FKBP9: variants seen among roughly 807,000 people sequenced by gnomAD.
The protein encoded by FKBP9 is FKBP prolyl isomerase 9.
FKBP9 carries 27 observed loss-of-function variants against 55.6 expected under a neutral mutation model. The observed-to-expected ratio is 0.49, with a 90% CI of 0.36 to 0.67. FKBP9 has a LOEUF of 0.67. FKBP9 is among the 30% of genes least tolerant of loss of function. The pLI, the probability that FKBP9 is intolerant of heterozygous loss-of-function variation, is 0.00. For missense variants in FKBP9, 539 were observed against 742.8 expected, an observed-to-expected ratio of 0.73 and a Z score of 3.19; for synonymous variants, 267 against 296.5, an observed-to-expected ratio of 0.90 and a Z score of 1.02.
intron 7 of FKBP9, among the ~76,000 whole-genome samples, chr7:32,997,031 T>C (rs548035717): frequency 6.6e-6 from 1 of 151,760 alleles, no homozygotes; most frequent in Admixed American, 6.6e-5. Flanking sequence ...CCTGACCTCA[T>C]GATCCACCCG....
At chr7:32,977,273 T>C (rs1392179276) in intron 4 of FKBP9, among the ~76,000 whole-genome samples, 3 of 152,236 alleles carry the variant, frequency 2.0e-5, no homozygotes, top group African/African-American at 7.2e-5. Context: ...AAACAGCAGA[T>C]GGATACAATG....
At chr7:32,976,616 C>T in intron 4 of FKBP9, 117 bp downstream of exon 4, 2 of 1,405,042 alleles carry the variant, frequency 1.4e-6, no homozygotes, top group Non-Finnish European at 1.9e-6. Flanking sequence ...CTACACTGGC[C>T]AATATGGTAA....
chr7:32,972,814 C>T (rs1784279181), intron 1 of FKBP9, among the ~76,000 whole-genome samples: 1 of 152,146 alleles, frequency 6.6e-6, no homozygotes, highest in South Asian at 2.1e-4. Flanking sequence ...CCTTCACCTC[C>T]CAGGTTCAAG....
chr7:33,003,116 T>G (rs774233586), intron 9 of FKBP9, among the ~76,000 whole-genome samples: 103 of 152,254 alleles, frequency 6.8e-4, no homozygotes, highest in Non-Finnish European at 1.2e-3. Flanking sequence ...GGGTGCTCAA[T>G]GCCTGCCTGT....
rs180721609 is a variant in FKBP9 at position 32,959,372 on chromosome 7, C to G, written c.221+1578C>G. Among the ~76,000 whole-genome samples the G allele has an allele frequency of 6.7e-3, 1,018 of 152,322 alleles. 5 individuals are homozygous for G. Among genetic ancestry groups the G allele is most frequent in the Non-Finnish European group, 0.011 (761 of 68,040 alleles). ...GTGAGCCGAGACGTGCCACTGCACT[C>G]CAACCTGGGTGACAGGGAGACTCCG... is the stretch of plus-strand genomic sequence containing the variant. On this transcript the variant is annotated intron_variant, in intron 1 of 9. Transcript: ENST00000242209.
intron 9 of FKBP9, among the ~76,000 whole-genome samples, chr7:33,004,638 G>A (rs142943717): frequency 5.8e-4 from 88 of 152,146 alleles, no homozygotes; most frequent in Middle Eastern, 3.4e-3. Flanking sequence ...TCCGCTTTTT[G>A]ATTTTTTTCT....
At chr7:32,985,001 G>T (rs1784547854) in intron 5 of FKBP9, among the ~76,000 whole-genome samples, 1 of 151,896 alleles carries the variant, frequency 6.6e-6, no homozygotes, top group African/African-American at 2.4e-5. Flanking sequence ...TATAGTAGAG[G>T]GCATTCTTTT....
chr7:32,974,552 G>T, intron 1 of FKBP9, 65 bp from the exon 2 acceptor site: 7 of 1,428,720 alleles, frequency 4.9e-6, no homozygotes, highest in Non-Finnish European at 6.8e-6. Flanking sequence ...TTTACAGGTT[G>T]GTTTTTACTG....
chr7:32,996,751 T>C lies in FKBP9; in HGVS notation c.1226+402T>C, dbSNP rs867427494. 1.1e-4 allele frequency among the ~76,000 whole-genome samples: 15 copies of C among 133,380 alleles called. 1 individual carries two copies. The highest frequency in any genetic ancestry group is 6.1e-4 in the East Asian group (3 of 4,950). 87.5% of individuals were successfully genotyped at this position (133,380 alleles called of 152,430 possible). ...CCTTCCTTCCTTCCTTTCTTTCTTT[T>C]TTTTTTTTTTTTGATAAAGTCTCAC... On this transcript the variant is annotated intron_variant, in intron 7 of 9. Transcript: ENST00000242209.
intron 7 of FKBP9, 132 bp from the exon 8 acceptor site, chr7:32,999,983 T>C: frequency 1.1e-6 from 1 of 923,954 alleles, no homozygotes; most frequent in East Asian, 2.4e-5. Flanking sequence ...TGTCTGATGT[T>C]TCCTCATGAT....
chr7:33,000,572 T>A (rs1212806287), intron 8 of FKBP9, among the ~76,000 whole-genome samples: 3 of 151,366 alleles, frequency 2.0e-5, no homozygotes, highest in African/African-American at 7.3e-5. Context: ...GGGGTCAGAC[T>A]GAGCACGTCC....
At chr7:32,987,792 T>C (rs2095306360) in intron 5 of FKBP9, among the ~76,000 whole-genome samples, 1 of 152,140 alleles carries the variant, frequency 6.6e-6, no homozygotes, top group Admixed American at 6.5e-5. Flanking sequence ...TGCCACCACA[T>C]CCAGCTAAGT....
intron 1 of FKBP9, among the ~76,000 whole-genome samples, chr7:32,958,568 G>A (rs1485533498): frequency 6.6e-6 from 1 of 152,222 alleles, no homozygotes; most frequent in African/African-American, 2.4e-5. Flanking sequence ...GAACGAGGCG[G>A]GAGGATCGCT....
intron 3 of FKBP9, 71 bp downstream of exon 3, chr7:32,975,442 C>G (rs754659632): frequency 4.4e-4 from 556 of 1,266,950 alleles, no homozygotes; most frequent in Non-Finnish European, 5.8e-4. Context: ...GTCTTACTTG[C>G]TTTTTATGCT....
Position 33,006,091 on chromosome 7 carries a change from CTTTTTTTT to C in FKBP9, c.*754_*761del, listed in dbSNP as rs575917909. The stretch of plus-strand genomic sequence containing the variant: ...AGTCATCTGCTTAGCTTTTCCTTTC[CTTTTTTTT>C]TTTTTTTTTTTTTCTGGAGGCAGAG... On this transcript the variant is annotated 3_prime_UTR_variant, in exon 10 of 10. Transcript: ENST00000242209. The C allele has an allele frequency of 1.6e-3, 219 of 134,886 alleles. 6 individuals carry two copies. The South Asian group carries it at 0.058, about 36-fold the overall frequency. The allele number at this position is 134,886 out of a possible 1,614,324, so 8.4% of individuals were successfully genotyped here. A position where few individuals can be genotyped will look rare whatever the true frequency, so the allele number is the denominator to read the frequency against.
At chr7:32,979,547 C>T in intron 4 of FKBP9, 4 of 1,550,544 alleles carry the variant, frequency 2.6e-6, no homozygotes, top group Non-Finnish European at 3.5e-6. Flanking sequence ...GTTTGCTTGT[C>T]TGGGCCTACT....
Position 32,974,738 on chromosome 7 carries a change from C to G in FKBP9, c.343C>G (p.Leu115Val), listed in dbSNP as rs1412967956. 3 of 1,613,814 alleles carry G rather than the reference C, an allele frequency of 1.9e-6. No homozygotes were observed. Among genetic ancestry groups the G allele is most frequent in the Non-Finnish European group, 2.5e-6 (3 of 1,179,796 alleles). The change falls in exon 2 of 10, where the codon CTT becomes GTT. Residue 115 changes from leucine (L) to valine (V), a missense_variant. Around this residue, in one of 4 missense-constraint regions of FKBP9, gnomAD observed 236 missense variants for 271.5 expected, o/e 0.87. Transcript: ENST00000242209. ...ERRFVKIPPK[L>V]AYGNEGVSGV... ...ACGTTTCGTGAAGATTCCCCCAAAG[C>G]TTGCCTACGGAAATGAAGGAGTTTG...
At chr7:32,977,924 C>CTTTT (rs1226725947) in intron 4 of FKBP9, among the ~76,000 whole-genome samples, 22 of 124,954 alleles carry the variant, frequency 1.8e-4, no homozygotes, top group African/African-American at 5.9e-4. Context: ...TATATATACA[C>CTTTT]TTTTTTTTTT....
chr7:33,002,922 G>C, intron 9 of FKBP9, 83 bp downstream of exon 9: 1 of 1,437,966 alleles, frequency 7.0e-7, no homozygotes, highest in East Asian at 2.4e-5. Flanking sequence ...CTGAAGGTAA[G>C]GACTTCTAAG....
Sources: gnomAD v4.1 joint callset for allele counts (sites outside exome capture counted in the v4.1 genomes callset) on GRCh38, gnomAD v4.1.1 for gene constraint, gnomAD v4.1.1 regional missense constraint, MANE v1.5 for transcripts, NCBI Gene and HGNC (gene_info 2026-07-23, HGNC 2026-07-21) for gene names.